The following NDUFAF2 variants were observed in gnomAD, a reference collection of about 807,000 sequenced individuals.
NDUFAF2 encodes the protein NADH dehydrogenase [ubiquinone] 1 alpha subcomplex assembly factor 2.
Under a neutral mutation model 22.8 loss-of-function variants are expected in NDUFAF2, and 13 were observed. That is an observed-to-expected ratio of 0.57 (90% CI 0.37 to 0.91). NDUFAF2 has a LOEUF of 0.91. NDUFAF2 is among the 40% of genes least tolerant of loss of function. The pLI, the probability that NDUFAF2 is intolerant of heterozygous loss-of-function variation, is 0.01. For synonymous variants in NDUFAF2, 53 were observed against 64.2 expected, an observed-to-expected ratio of 0.83 and a Z score of 0.84; for missense variants, 162 against 195.2, an observed-to-expected ratio of 0.83 and a Z score of 1.01.
intron 1 of NDUFAF2, among the ~76,000 whole-genome samples, chr5:61,016,901 C>T (rs982860258): frequency 3.3e-5 from 5 of 152,172 alleles, no homozygotes; most frequent in Non-Finnish European, 7.4e-5. Context: ...GCACCTGGTG[C>T]CTGGCCACAC....
chr5:61,018,738 G>C (rs1751542699), intron 1 of NDUFAF2, among the ~76,000 whole-genome samples: 1 of 151,980 alleles, frequency 6.6e-6, no homozygotes, highest in Non-Finnish European at 1.5e-5. Context: ...GGTTCCCTAA[G>C]TGACTGATAA....
intron 1 of NDUFAF2, among the ~76,000 whole-genome samples, chr5:60,987,842 G>T (rs535123800): frequency 3.3e-4 from 51 of 152,300 alleles, no homozygotes; most frequent in African/African-American, 1.2e-3. Context: ...AAAGCTGGAA[G>T]CATTCTTCTT....
At chr5:60,956,655 A>G (rs12652830) in intron 1 of NDUFAF2, among the ~76,000 whole-genome samples, 60,550 of 151,890 alleles carry the variant, frequency 0.4, 12,985 homozygotes, top group East Asian at 0.8. Flanking sequence ...ATTGATTTGT[A>G]TATGTTATCT....
chr5:60,993,292 A>G (rs564457164), intron 1 of NDUFAF2, among the ~76,000 whole-genome samples: 1 of 152,334 alleles, frequency 6.6e-6, no homozygotes, highest in Non-Finnish European at 1.5e-5. Context: ...CTCAGGCCCC[A>G]AAGAGGGAGT....
chr5:60,956,324 C>T (rs375188993), intron 1 of NDUFAF2, among the ~76,000 whole-genome samples: 2 of 152,144 alleles, frequency 1.3e-5, no homozygotes, highest in African/African-American at 4.8e-5. Flanking sequence ...TTCTTCCGCT[C>T]TAATTTGGAT....
chr5:60,952,670 G>A (rs1750564029), intron 1 of NDUFAF2, among the ~76,000 whole-genome samples: 1 of 151,984 alleles, frequency 6.6e-6, no homozygotes, highest in South Asian at 2.1e-4. Context: ...TGCTATTTGG[G>A]GTTGAATGTT....
At chr5:60,989,189 T>G (rs1405111890) in intron 1 of NDUFAF2, among the ~76,000 whole-genome samples, 2 of 152,066 alleles carry the variant, frequency 1.3e-5, no homozygotes, top group East Asian at 3.8e-4. Context: ...ATTAGAGAAA[T>G]GCAAATCAGA....
chr5:60,962,476 C>T (rs1227442685), intron 1 of NDUFAF2, among the ~76,000 whole-genome samples: 1 of 152,114 alleles, frequency 6.6e-6, no homozygotes, highest in African/African-American at 2.4e-5. Context: ...TTTTCATAGA[C>T]TTCATGAAAC....
chr5:60,996,259 A>G (rs1301998017), intron 1 of NDUFAF2, among the ~76,000 whole-genome samples: 1 of 152,114 alleles, frequency 6.6e-6, no homozygotes, highest in East Asian at 1.9e-4. Context: ...TTAGCAGATT[A>G]TGAATGCTGC....
chr5:61,136,470 T>C (rs1030053658), intron 3 of NDUFAF2, among the ~76,000 whole-genome samples: 2 of 152,126 alleles, frequency 1.3e-5, no homozygotes, highest in African/African-American at 2.4e-5. Flanking sequence ...GGTCACCAAA[T>C]ACCTCTTTAA....
At chr5:61,051,850 T>C (rs1014665097) in intron 1 of NDUFAF2, among the ~76,000 whole-genome samples, 1 of 152,128 alleles carries the variant, frequency 6.6e-6, no homozygotes, top group African/African-American at 2.4e-5. Flanking sequence ...GGCACTAATA[T>C]AAACTCTGAT....
intron 1 of NDUFAF2, among the ~76,000 whole-genome samples, chr5:61,067,232 A>G (rs1371684006): frequency 2.6e-5 from 4 of 152,040 alleles, no homozygotes; most frequent in African/African-American, 9.7e-5. Flanking sequence ...ATATGTATAC[A>G]TGTGCCATGA....
At chr5:60,984,314 T>C (rs1198844650) in intron 1 of NDUFAF2, among the ~76,000 whole-genome samples, 14 of 152,210 alleles carry the variant, frequency 9.2e-5, no homozygotes. Context: ...CGATGGGGTT[T>C]TCTAGATATA....
At chr5:61,064,811 C>CTGGT (rs1752208915) in intron 1 of NDUFAF2, among the ~76,000 whole-genome samples, 1 of 151,602 alleles carries the variant, frequency 6.6e-6, no homozygotes, top group African/African-American at 2.4e-5. Flanking sequence ...TAACATTACA[C>CTGGT]CTCAAGGAAC....
At chr5:61,045,526 A>G (rs1439113105) in intron 1 of NDUFAF2, among the ~76,000 whole-genome samples, 1 of 151,296 alleles carries the variant, frequency 6.6e-6, no homozygotes, top group Admixed American at 6.6e-5. Context: ...TTTTTTAGAG[A>G]CGGGGTCTCG....
chr5:61,140,921 A>G (rs898093960), intron 3 of NDUFAF2, among the ~76,000 whole-genome samples: 1 of 151,942 alleles, frequency 6.6e-6, no homozygotes, highest in Non-Finnish European at 1.5e-5. Flanking sequence ...CCTCCAGTCC[A>G]CTCTGGATAA....
At chr5:61,144,387 A>C (rs973405306) in intron 3 of NDUFAF2, among the ~76,000 whole-genome samples, 1 of 152,214 alleles carries the variant, frequency 6.6e-6, no homozygotes, top group Admixed American at 6.5e-5. Flanking sequence ...GACATTTTAC[A>C]TATCTTAAAT....
chr5:60,979,913 T>G (rs181922184), intron 1 of NDUFAF2, among the ~76,000 whole-genome samples: 13 of 152,296 alleles, frequency 8.5e-5, no homozygotes, highest in African/African-American at 3.1e-4. Context: ...CAACTAGTGG[T>G]GACCACAGGG....
chr5:61,131,807 A>G (rs1012544080), intron 3 of NDUFAF2, among the ~76,000 whole-genome samples: 2 of 152,174 alleles, frequency 1.3e-5, no homozygotes, highest in African/African-American at 4.8e-5. Context: ...ACACATGTAT[A>G]TGCAGGGGGA....
Sources: allele counts gnomAD v4.1 joint callset (sites outside exome capture counted in the v4.1 genomes callset), GRCh38; gene constraint gnomAD v4.1.1; transcripts MANE v1.5; gene names NCBI Gene and HGNC (gene_info 2026-07-23, HGNC 2026-07-21).